The following ASTN2 variants were observed in gnomAD, a reference collection of about 807,000 sequenced individuals.
ASTN2 encodes the protein astrotactin 2.
ASTN2 carries 54 observed loss-of-function variants against 139.8 expected under a neutral mutation model. That is an observed-to-expected ratio of 0.39 (90% CI 0.31 to 0.48). ASTN2 has a LOEUF of 0.48. Ranked by LOEUF, ASTN2 falls within the 20% of genes least tolerant of loss-of-function variation. ASTN2 has a pLI of 0.95. For missense variants in ASTN2, 1,565 were observed against 1,725.1 expected (o/e 0.91, Z 1.64); for synonymous variants, 756 against 719.5 (o/e 1.05, Z -0.81).
chr9:116,892,151 T>G (rs1166723193), intron 10 of ASTN2, among the ~76,000 whole-genome samples: 1 of 152,188 alleles, frequency 6.6e-6, no homozygotes, highest in Non-Finnish European at 1.5e-5. Flanking sequence ...AATAGTGATA[T>G]CTATATAATA....
At chr9:117,122,380 C>T (rs1352816143) in intron 4 of ASTN2, among the ~76,000 whole-genome samples, 4 of 151,974 alleles carry the variant, frequency 2.6e-5, no homozygotes. Flanking sequence ...AGCAGATGGC[C>T]CAGGTCCCAT....
At chr9:116,703,750 G>A (rs1827915819) in intron 16 of ASTN2, among the ~76,000 whole-genome samples, 1 of 151,192 alleles carries the variant, frequency 6.6e-6, no homozygotes, top group African/African-American at 2.4e-5. Context: ...AAAGTGCAGT[G>A]TTACTCTACT....
At chr9:116,794,603 G>A (rs1278766065) in intron 13 of ASTN2, among the ~76,000 whole-genome samples, 1 of 152,160 alleles carries the variant, frequency 6.6e-6, no homozygotes, top group African/African-American at 2.4e-5. Flanking sequence ...TTTACACGCT[G>A]TGTGGCCTTG....
At chr9:116,626,114 G>A (rs1818729345) in intron 17 of ASTN2, among the ~76,000 whole-genome samples, 4 of 148,970 alleles carry the variant, frequency 2.7e-5, no homozygotes, top group Admixed American at 2.7e-4. Flanking sequence ...TGAGTAGCTG[G>A]GATTGCAGGC....
At chr9:117,350,570 G>GAAAGA (rs145671075) in intron 1 of ASTN2, among the ~76,000 whole-genome samples, 2 of 150,660 alleles carry the variant, frequency 1.3e-5, no homozygotes, top group East Asian at 3.9e-4. Context: ...AAAAAGGAAA[G>GAAAGA]AAAGAAAAGA....
At chr9:117,077,575 C>T (rs1382517743) in intron 5 of ASTN2, among the ~76,000 whole-genome samples, 1 of 151,960 alleles carries the variant, frequency 6.6e-6, no homozygotes, top group African/African-American at 2.4e-5. Flanking sequence ...TGGTGAAAGC[C>T]CATCTCTACT....
At chr9:117,184,029 T>G (rs1427389805) in intron 3 of ASTN2, among the ~76,000 whole-genome samples, 1 of 152,202 alleles carries the variant, frequency 6.6e-6, no homozygotes, top group Non-Finnish European at 1.5e-5. Flanking sequence ...CCTCTCCTCC[T>G]GGAATATCCA....
chr9:116,470,850 AATGCCAATGCTTT>A (rs1216497188), intron 20 of ASTN2, among the ~76,000 whole-genome samples: 13 of 152,208 alleles, frequency 8.5e-5, no homozygotes, highest in Admixed American at 8.5e-4. Context: ...CATATTTCAT[AATGCCAATGCTTT>A]ATGGTGGGTA....
chr9:116,529,958 C>G (rs1851251649), intron 19 of ASTN2, among the ~76,000 whole-genome samples: 1 of 151,428 alleles, frequency 6.6e-6, no homozygotes, highest in South Asian at 2.1e-4. Context: ...CAGACTAATA[C>G]AGTATATATT....
intron 2 of ASTN2, among the ~76,000 whole-genome samples, chr9:117,279,941 T>A (rs112177271): frequency 0.012 from 1,778 of 152,276 alleles, 34 homozygotes; most frequent in African/African-American, 0.041. Context: ...AAGGACTAAT[T>A]TTTTTAATTT....
chr9:117,123,975 G>T (rs924542329), intron 4 of ASTN2, among the ~76,000 whole-genome samples: 6 of 152,146 alleles, frequency 3.9e-5, no homozygotes, highest in African/African-American at 1.2e-4. Context: ...TGCCTGGCAC[G>T]TAGCGTACAC....
chr9:117,130,795 T>C (rs1458652322), intron 4 of ASTN2, among the ~76,000 whole-genome samples: 1 of 152,162 alleles, frequency 6.6e-6, no homozygotes, highest in Non-Finnish European at 1.5e-5. Flanking sequence ...TTGAGATTTT[T>C]CTATCAAAAT....
intron 5 of ASTN2, among the ~76,000 whole-genome samples, chr9:117,066,014 A>T: frequency 2.6e-5 from 2 of 76,784 alleles, no homozygotes; most frequent in African/African-American, 3.6e-5. Context: ...CTCCCATTTT[A>T]TCTTTTTTTT....
chr9:116,551,692 C>T (rs1045118417), intron 19 of ASTN2, among the ~76,000 whole-genome samples: 1 of 152,196 alleles, frequency 6.6e-6, no homozygotes, highest in Non-Finnish European at 1.5e-5. Flanking sequence ...CACAAACACA[C>T]ATCACTCATA....
At chr9:117,384,950 T>A (rs560097399) in intron 1 of ASTN2, among the ~76,000 whole-genome samples, 1 of 152,160 alleles carries the variant, frequency 6.6e-6, no homozygotes, top group East Asian at 1.9e-4. Flanking sequence ...GGAGAACAGA[T>A]AAATGGGATG....
At chr9:117,098,991 C>T (rs1828906530) in intron 4 of ASTN2, among the ~76,000 whole-genome samples, 1 of 151,550 alleles carries the variant, frequency 6.6e-6, no homozygotes, top group Admixed American at 6.6e-5. Flanking sequence ...ACGTGTAATC[C>T]CAGCTACTTG....
At chr9:116,791,209 G>A (rs181064231) in intron 13 of ASTN2, among the ~76,000 whole-genome samples, 37 of 152,260 alleles carry the variant, frequency 2.4e-4, no homozygotes, top group Non-Finnish European at 4.1e-4. Context: ...ATAAAAACTC[G>A]TTAACTCACA....
intron 10 of ASTN2, among the ~76,000 whole-genome samples, chr9:116,897,161 G>A (rs926843880): frequency 2.6e-5 from 4 of 152,146 alleles, no homozygotes; most frequent in Admixed American, 1.3e-4. Flanking sequence ...TAGGTGCAGC[G>A]CACTGAAGGT....
intron 2 of ASTN2, among the ~76,000 whole-genome samples, chr9:117,235,321 G>A (rs1266656737): frequency 6.6e-6 from 1 of 151,702 alleles, no homozygotes; most frequent in African/African-American, 2.4e-5. Context: ...TTGACAAATT[G>A]AATGCATTAT....
Sources: gnomAD v4.1 joint callset for allele counts (sites outside exome capture counted in the v4.1 genomes callset) on GRCh38, gnomAD v4.1.1 for gene constraint, MANE v1.5 for transcripts, NCBI Gene and HGNC (gene_info 2026-07-23, HGNC 2026-07-21) for gene names.